The following EPHA6 variants were observed in gnomAD, a reference collection of about 807,000 sequenced individuals.
The protein encoded by EPHA6 is ephrin type-A receptor 6.
A neutral mutation model predicts 112.0 loss-of-function variants in EPHA6; 50 were observed. The observed-to-expected ratio is 0.45, with a 90% CI of 0.36 to 0.56. EPHA6 has a LOEUF of 0.56. Ranked by LOEUF, EPHA6 falls within the 20% of genes least tolerant of loss-of-function variation. The pLI, the probability that EPHA6 is intolerant of heterozygous loss-of-function variation, is 0.00. For missense variants in EPHA6, 1,280 were observed against 1,417.4 expected (o/e 0.90, Z 1.56); for synonymous variants, 529 against 490.7 (o/e 1.08, Z -1.03).
chr3:97,351,620 A>G (rs2083818307), intron 5 of EPHA6, among the ~76,000 whole-genome samples: 1 of 152,234 alleles, frequency 6.6e-6, no homozygotes, highest in Non-Finnish European at 1.5e-5. Flanking sequence ...AATAACAAAT[A>G]GAAGCAATCT....
At chr3:97,029,970 AC>A (rs2044768851) in intron 3 of EPHA6, among the ~76,000 whole-genome samples, 1 of 152,052 alleles carries the variant, frequency 6.6e-6, no homozygotes, top group African/African-American at 2.4e-5. Context: ...AAATATACTT[AC>A]CCTTTGACAT....
At chr3:97,237,435 T>A (rs2078712732) in intron 4 of EPHA6, among the ~76,000 whole-genome samples, 1 of 151,974 alleles carries the variant, frequency 6.6e-6, no homozygotes, top group South Asian at 2.1e-4. Flanking sequence ...GGTTCTTTTA[T>A]CAAATAATCT....
At chr3:97,393,127 G>A (rs969230791) in intron 5 of EPHA6, among the ~76,000 whole-genome samples, 4 of 151,766 alleles carry the variant, frequency 2.6e-5, no homozygotes, top group Non-Finnish European at 5.9e-5. Context: ...TTTATGGCCA[G>A]GCCAACTTTC....
At chr3:97,077,835 A>G (rs774203115) in intron 3 of EPHA6, among the ~76,000 whole-genome samples, 14 of 152,290 alleles carry the variant, frequency 9.2e-5, no homozygotes, top group South Asian at 4.1e-4. Flanking sequence ...GCTATTGTCA[A>G]TAGTGTTGTA....
At chr3:97,422,722 C>G (rs543884557) in intron 6 of EPHA6, among the ~76,000 whole-genome samples, 12 of 152,154 alleles carry the variant, frequency 7.9e-5, no homozygotes, top group Admixed American at 7.2e-4. Flanking sequence ...AAAGAAAACT[C>G]AGTCATATAT....
intron 5 of EPHA6, among the ~76,000 whole-genome samples, chr3:97,356,818 T>A (rs1049279072): frequency 6.6e-6 from 1 of 152,180 alleles, no homozygotes; most frequent in Non-Finnish European, 1.5e-5. Flanking sequence ...TCATTGTGGT[T>A]TAAGCCCTAT....
At chr3:97,439,709 A>C in intron 6 of EPHA6, 10 of 711,108 alleles carry the variant, frequency 1.4e-5, no homozygotes, top group African/African-American at 1.9e-5. Context: ...GAAGTTTCTC[A>C]TCATGGGTTC....
At chr3:97,570,744 A>G (rs888984064) in intron 11 of EPHA6, among the ~76,000 whole-genome samples, 6 of 152,074 alleles carry the variant, frequency 3.9e-5, no homozygotes, top group African/African-American at 1.4e-4. Context: ...AAAAAAAAGT[A>G]TTATGGAAGC....
chr3:97,373,508 A>G (rs962311486), intron 5 of EPHA6, among the ~76,000 whole-genome samples: 2 of 152,150 alleles, frequency 1.3e-5, no homozygotes, highest in Admixed American at 6.6e-5. Context: ...TTTAAAAGAT[A>G]AGGTAAGATT....
chr3:97,603,196 C>T (rs1265056924), intron 12 of EPHA6, among the ~76,000 whole-genome samples: 1 of 151,944 alleles, frequency 6.6e-6, no homozygotes, highest in African/African-American at 2.4e-5. Flanking sequence ...TAACAAGACA[C>T]TTTTAGTTAA....
intron 2 of EPHA6, among the ~76,000 whole-genome samples, chr3:96,950,347 A>T (rs1355307518): frequency 6.6e-6 from 1 of 152,122 alleles, no homozygotes; most frequent in African/African-American, 2.4e-5. Flanking sequence ...AGGACCTCTT[A>T]GGCAGAGACT....
chr3:97,500,625 A>T (rs2092094732), intron 10 of EPHA6, among the ~76,000 whole-genome samples: 1 of 152,180 alleles, frequency 6.6e-6, no homozygotes, highest in South Asian at 2.1e-4. Flanking sequence ...TGAGATCTGG[A>T]TGGAGAGACA....
At chr3:97,120,959 T>G (rs755896809) in intron 3 of EPHA6, among the ~76,000 whole-genome samples, 1 of 152,026 alleles carries the variant, frequency 6.6e-6, no homozygotes, top group African/African-American at 2.4e-5. Flanking sequence ...AAATACTTCT[T>G]TTTAATGTTT....
At chr3:97,439,754 G>C in intron 6 of EPHA6, 1 of 400,794 alleles carries the variant, frequency 2.5e-6, no homozygotes, top group Non-Finnish European at 3.4e-6. Flanking sequence ...AGTTATTCTA[G>C]CTTGCTCTTG....
chr3:97,558,329 C>T (rs962123660), intron 11 of EPHA6, among the ~76,000 whole-genome samples: 4 of 151,994 alleles, frequency 2.6e-5, no homozygotes, highest in Admixed American at 2.0e-4. Flanking sequence ...ATATACTCAG[C>T]TACTGGGCTT....
chr3:97,023,293 A>T (rs970714442), intron 3 of EPHA6, among the ~76,000 whole-genome samples: 2 of 151,986 alleles, frequency 1.3e-5, no homozygotes, highest in African/African-American at 4.8e-5. Flanking sequence ...GTTAGCCAGG[A>T]TGGTCTCGAT....
rs975340636 is a variant in EPHA6, at chr3:97,712,184, G to T, written c.2785-8077G>T. On this transcript the variant is annotated intron_variant, in intron 14 of 17. Transcript: ENST00000389672. ...CATTACTTTTGTGTTAATTTCCATA[G>T]TTCTTTGCAATAAATACTACAAATA... Among the ~76,000 whole-genome samples the T allele has an allele frequency of 2.6e-5, 4 of 151,922 alleles. No homozygotes were observed. The East Asian group carries it at 7.7e-4, about 29-fold the overall frequency.
chr3:97,610,391 G>T (rs890804350), intron 12 of EPHA6, among the ~76,000 whole-genome samples: 3 of 151,730 alleles, frequency 2.0e-5, no homozygotes, highest in East Asian at 3.9e-4. Flanking sequence ...AGGCAAAATT[G>T]CTGCACTGCC....
chr3:97,300,485 C>T (rs1301981627), intron 5 of EPHA6, among the ~76,000 whole-genome samples: 1 of 152,110 alleles, frequency 6.6e-6, no homozygotes, highest in Non-Finnish European at 1.5e-5. Flanking sequence ...TTCACTTTTT[C>T]CACAAAGCAT....
Sources: gnomAD v4.1 joint callset for allele counts (sites outside exome capture counted in the v4.1 genomes callset) on GRCh38, gnomAD v4.1.1 for gene constraint, MANE v1.5 for transcripts, NCBI Gene and HGNC (gene_info 2026-07-23, HGNC 2026-07-21) for gene names.